PPFIA2: variants seen among roughly 807,000 people sequenced by gnomAD.
The protein encoded by PPFIA2 is PPFI scaffold protein A2, also known as liprin-alpha-2.
Under a neutral mutation model 175.5 loss-of-function variants are expected in PPFIA2, and 46 were observed. The observed-to-expected ratio is 0.26, with a 90% CI of 0.21 to 0.34. The LOEUF is 0.34. Among genes scored for constraint, PPFIA2 ranks in the 10% least tolerant of loss-of-function variants. The probability of loss-of-function intolerance (pLI) is 1.00; values close to 1 mark genes in which losing one functional copy is unlikely to be tolerated. For missense variants in PPFIA2, 1,179 were observed against 1,506.1 expected (o/e 0.78, Z 3.60); for synonymous variants, 568 against 511.4 (o/e 1.11, Z -1.49).
At chr12:81,623,134 T>C (rs544545200) in intron 4 of PPFIA2, among the ~76,000 whole-genome samples, 1 of 152,220 alleles carries the variant, frequency 6.6e-6, no homozygotes. Context: ...ATAATGAATC[T>C]ACAATGATAT....
At chr12:81,343,884 C>T (rs2058588332) in intron 19 of PPFIA2, among the ~76,000 whole-genome samples, 1 of 152,020 alleles carries the variant, frequency 6.6e-6, no homozygotes. Flanking sequence ...ATAGTTAATT[C>T]CTGGAAATAG....
chr12:81,708,687 C>T (rs564132661), intron 3 of PPFIA2, among the ~76,000 whole-genome samples: 26 of 152,246 alleles, frequency 1.7e-4, no homozygotes, highest in African/African-American at 6.0e-4. Flanking sequence ...TTAGGAATAA[C>T]ACAGCTGTTA....
At chr12:81,429,228 C>T (rs2047679742) in intron 7 of PPFIA2, among the ~76,000 whole-genome samples, 1 of 151,966 alleles carries the variant, frequency 6.6e-6, no homozygotes, top group Admixed American at 6.6e-5. Flanking sequence ...GCTTTCATCT[C>T]CCAGAACTGA....
chr12:81,559,724 T>C (rs973493200), intron 4 of PPFIA2, among the ~76,000 whole-genome samples: 2 of 152,116 alleles, frequency 1.3e-5, no homozygotes, highest in Admixed American at 1.3e-4. Context: ...TCTTTGAAAT[T>C]ATAAATGCAA....
At chr12:81,414,253 G>C (rs7973079) in intron 7 of PPFIA2, among the ~76,000 whole-genome samples, 9,830 of 151,714 alleles carry the variant, frequency 0.065, 420 homozygotes, top group African/African-American at 0.12. Flanking sequence ...ATTTATCAAG[G>C]TCAGGACTAC....
chr12:81,614,610 C>T (rs750442968), intron 4 of PPFIA2, among the ~76,000 whole-genome samples: 42 of 152,264 alleles, frequency 2.8e-4, no homozygotes, highest in Admixed American at 5.9e-4. Context: ...AAGATCTCTA[C>T]TGCCACTCTT....
intron 4 of PPFIA2, among the ~76,000 whole-genome samples, chr12:81,544,545 TG>T (rs781542604): frequency 2.0e-5 from 3 of 152,196 alleles, no homozygotes; most frequent in Non-Finnish European, 4.4e-5. Context: ...ATTATCTGAC[TG>T]TACCTAATTT....
At chr12:81,356,079 T>C (rs1484520315) in intron 16 of PPFIA2, among the ~76,000 whole-genome samples, 1 of 152,162 alleles carries the variant, frequency 6.6e-6, no homozygotes, top group Non-Finnish European at 1.5e-5. Context: ...GCTTTTGACT[T>C]AGTGAGAGAT....
chr12:81,615,230 G>A (rs562121403), intron 4 of PPFIA2, among the ~76,000 whole-genome samples: 82 of 152,278 alleles, frequency 5.4e-4, no homozygotes, highest in African/African-American at 1.8e-3. Context: ...TGCAATGCAA[G>A]GATAAAATAA....
chr12:81,537,124 G>T (rs1326655504), intron 4 of PPFIA2, among the ~76,000 whole-genome samples: 1 of 151,630 alleles, frequency 6.6e-6, no homozygotes, highest in East Asian at 1.9e-4. Flanking sequence ...ACTTAATTAT[G>T]TATGTATGTT....
chr12:81,609,040 C>T (rs1028560785), intron 4 of PPFIA2, among the ~76,000 whole-genome samples: 2 of 151,786 alleles, frequency 1.3e-5, no homozygotes, highest in Admixed American at 6.6e-5. Flanking sequence ...AATGTTCACC[C>T]AGGGATTATT....
At chr12:81,320,800 A>G (rs1472637751) in intron 22 of PPFIA2, among the ~76,000 whole-genome samples, 3 of 152,034 alleles carry the variant, frequency 2.0e-5, no homozygotes, top group Admixed American at 6.6e-5. Context: ...TGGTCTTGAG[A>G]ATTAGAGAGG....
chr12:81,731,681 C>G (rs961759400), intron 3 of PPFIA2, among the ~76,000 whole-genome samples: 1 of 151,570 alleles, frequency 6.6e-6, no homozygotes, highest in Non-Finnish European at 1.5e-5. Flanking sequence ...GTTCAGAAAA[C>G]AGACAACCTT....
At chr12:81,596,609 T>C (rs531642917) in intron 4 of PPFIA2, among the ~76,000 whole-genome samples, 3 of 152,222 alleles carry the variant, frequency 2.0e-5, no homozygotes, top group Admixed American at 1.3e-4. Context: ...TGACCGAGCA[T>C]ATGGAATGAA....
At chr12:81,626,964 A>C (rs972380562) in intron 4 of PPFIA2, among the ~76,000 whole-genome samples, 3 of 152,102 alleles carry the variant, frequency 2.0e-5, no homozygotes, top group Non-Finnish European at 2.9e-5. Flanking sequence ...TCCATAAAGG[A>C]TACTTTTTTG....
At chr12:81,390,303 G>C (rs1223983462) in intron 8 of PPFIA2, among the ~76,000 whole-genome samples, 1 of 151,950 alleles carries the variant, frequency 6.6e-6, no homozygotes, top group Non-Finnish European at 1.5e-5. Context: ...TCGATTCCTA[G>C]AGTAGAATTG....
intron 4 of PPFIA2, among the ~76,000 whole-genome samples, chr12:81,526,148 C>T (rs963517682): frequency 2.6e-5 from 4 of 152,140 alleles, no homozygotes; most frequent in African/African-American, 9.7e-5. Context: ...AATCTCCTAC[C>T]TTCAGATAAC....
intron 7 of PPFIA2, among the ~76,000 whole-genome samples, chr12:81,421,111 CA>C: frequency 1.3e-5 from 2 of 152,042 alleles, no homozygotes; most frequent in East Asian, 3.9e-4. Flanking sequence ...CTTTCCAATA[CA>C]AATGAAAATT....
intron 3 of PPFIA2, 146 bp from the exon 4 acceptor site, chr12:81,676,990 A>G (rs957527684): frequency 3.8e-5 from 17 of 443,210 alleles, no homozygotes; most frequent in Non-Finnish European, 5.6e-5. Context: ...ACACTGTAGT[A>G]CTATACAAAT....
Sources: allele counts gnomAD v4.1 joint callset (sites outside exome capture counted in the v4.1 genomes callset), GRCh38; gene constraint gnomAD v4.1.1; transcripts MANE v1.5; gene names NCBI Gene and HGNC (gene_info 2026-07-23, HGNC 2026-07-21).